The following TTC28 variants were observed in gnomAD, a reference collection of about 807,000 sequenced individuals.
TTC28 encodes the protein tetratricopeptide repeat protein 28.
In TTC28, 61 loss-of-function variants were observed where a neutral mutation model predicts 198.0. The ratio of observed to expected loss-of-function variants is 0.31; its 90% CI spans 0.25 to 0.38. The LOEUF (loss-of-function observed/expected upper bound fraction) is 0.38. Among genes scored for constraint, TTC28 ranks in the 10% least tolerant of loss-of-function variants. The pLI is 1.00. For synonymous variants in TTC28, 1,171 were observed against 1,297.8 expected (o/e 0.90, Z 2.10); for missense variants, 2,678 against 3,164.0 (o/e 0.85, Z 3.69).
chr22:28,052,886 G>C (rs990667389), intron 12 of TTC28, among the ~76,000 whole-genome samples: 1 of 152,140 alleles, frequency 6.6e-6, no homozygotes, highest in Non-Finnish European at 1.5e-5. Context: ...AGTCTTCTCC[G>C]ACACAACAGG....
intron 6 of TTC28, among the ~76,000 whole-genome samples, chr22:28,147,139 C>T (rs542762191): frequency 4.2e-4 from 64 of 152,310 alleles, no homozygotes; most frequent in South Asian, 3.7e-3. Context: ...TCATCTAATT[C>T]AACAAATGTA....
At chr22:27,996,029 G>A (rs1937545421) in intron 17 of TTC28, 106 bp downstream of exon 17, 2 of 1,446,666 alleles carry the variant, frequency 1.4e-6, no homozygotes, top group Non-Finnish European at 1.8e-6. Context: ...CCCAATCACG[G>A]TGTCCTCTCC....
chr22:28,260,002 A>G lies in TTC28; in HGVS notation c.933+36196T>C, dbSNP rs1369559998. ...CAAGTCAACTGTCTATGCATTTATC[A>G]GGAAAATGTCTTCCCACAATTCTTA... On this transcript the variant is annotated intron_variant, in intron 5 of 22. Coordinates refer to ENST00000397906, the MANE Select transcript of TTC28 (RefSeq NM_001145418.2). 7.9e-5 allele frequency among the ~76,000 whole-genome samples: 12 copies of G among 152,166 alleles called. No individual in the cohort carries two copies. The East Asian group carries it at 2.3e-3, about 29-fold the overall frequency.
intron 14 of TTC28, among the ~76,000 whole-genome samples, chr22:28,004,861 A>G (rs937567846): frequency 2.6e-5 from 4 of 152,216 alleles, no homozygotes; most frequent in Non-Finnish European, 5.9e-5. Context: ...TTCAGCTTAC[A>G]TATCATCAGT....
At chr22:27,989,155 T>C (rs1049533715) in intron 21 of TTC28, among the ~76,000 whole-genome samples, 1 of 152,158 alleles carries the variant, frequency 6.6e-6, no homozygotes, top group African/African-American at 2.4e-5. Flanking sequence ...CAGCAATATG[T>C]CAGGAGTCAC....
intron 5 of TTC28, among the ~76,000 whole-genome samples, chr22:28,222,532 C>T (rs1927967531): frequency 6.6e-6 from 1 of 152,188 alleles, no homozygotes; most frequent in Non-Finnish European, 1.5e-5. Flanking sequence ...GCATGTGAGA[C>T]TTTAATGAGT....
At chr22:28,633,280 CA>C (rs371317485) in intron 1 of TTC28, among the ~76,000 whole-genome samples, 116 of 110,608 alleles carry the variant, frequency 1.0e-3, no homozygotes, top group Middle Eastern at 5.0e-3. Context: ...GACTCTGTCT[CA>C]AAAAAAAAAA....
chr22:28,120,575 A>C (rs1267152300), intron 6 of TTC28, among the ~76,000 whole-genome samples: 2 of 152,122 alleles, frequency 1.3e-5, no homozygotes, highest in African/African-American at 4.8e-5. Context: ...CAACTGTGCA[A>C]CCCAGGGTGA....
At chr22:28,219,177 T>C (rs1206386944) in intron 5 of TTC28, among the ~76,000 whole-genome samples, 1 of 151,982 alleles carries the variant, frequency 6.6e-6, no homozygotes, top group East Asian at 1.9e-4. Flanking sequence ...CGTCTCTTGG[T>C]CTTGCTTTGC....
At chr22:28,293,553 A>T (rs544309341) in intron 5 of TTC28, among the ~76,000 whole-genome samples, 68 of 152,280 alleles carry the variant, frequency 4.5e-4, no homozygotes, top group African/African-American at 1.6e-3. Context: ...GCTCTAATGT[A>T]TACCAGAAAG....
intron 5 of TTC28, among the ~76,000 whole-genome samples, chr22:28,271,863 A>C (rs564303917): frequency 6.6e-6 from 1 of 152,242 alleles, no homozygotes; most frequent in East Asian, 1.9e-4. Context: ...TCGGCCTCCC[A>C]AAGTGCTGGG....
At chr22:28,028,993 T>TA (rs1240275808) in intron 13 of TTC28, 8 of 471,010 alleles carry the variant, frequency 1.7e-5, no homozygotes, top group South Asian at 3.1e-5. Flanking sequence ...CACTCTAGTT[T>TA]ATCACCACAG....
Position 28,096,221 on chromosome 22 carries a change from A to G in TTC28, c.3735T>C (p.Tyr1245=). 1.3e-6 allele frequency: 2 copies of G among 1,550,816 alleles called. No individual in the cohort carries two copies. The highest frequency in any genetic ancestry group is 2.4e-5 in the South Asian group (2 of 83,968). The change falls in exon 11 of 23, where the codon TAT becomes TAC. Residue 1245 remains tyrosine (Y), a synonymous_variant. Transcript: ENST00000397906. Reference sequence around the variant, plus strand: ...CAGGAGCCAGCAGCCAGCTATACAGATAGCCTGCAGCCAGGGAATAGTAAA... The same window carrying G: ...CAGGAGCCAGCAGCCAGCTATACAGGTAGCCTGCAGCCAGGGAATAGTAAA... ...LVLYYSLAAG[Y]LYSWLLAPGA... is the part of the protein sequence containing the mutation.
At chr22:28,291,098 G>C (rs1046787947) in intron 5 of TTC28, among the ~76,000 whole-genome samples, 2 of 151,958 alleles carry the variant, frequency 1.3e-5, no homozygotes, top group African/African-American at 4.8e-5. Flanking sequence ...TAAGTAATAT[G>C]TAAATTCAAT....
intron 2 of TTC28, among the ~76,000 whole-genome samples, chr22:28,466,650 T>G (rs1036624915): frequency 6.6e-6 from 1 of 152,176 alleles, no homozygotes; most frequent in African/African-American, 2.4e-5. Context: ...CAGATGGTTT[T>G]AGAGACTAGC....
intron 5 of TTC28, among the ~76,000 whole-genome samples, chr22:28,244,444 GA>G (rs1929929444): frequency 6.6e-6 from 1 of 152,132 alleles, no homozygotes; most frequent in African/African-American, 2.4e-5. Flanking sequence ...TTTCTAATCA[GA>G]AGGTAGGCCA....
At chr22:28,081,234 G>A (rs1430909682) in intron 12 of TTC28, among the ~76,000 whole-genome samples, 1 of 151,944 alleles carries the variant, frequency 6.6e-6, no homozygotes, top group Non-Finnish European at 1.5e-5. Context: ...AGGCTGGAGT[G>A]CAGTGGCACC....
intron 2 of TTC28, among the ~76,000 whole-genome samples, chr22:28,366,952 A>G (rs1249081584): frequency 1.3e-5 from 2 of 152,104 alleles, no homozygotes; most frequent in Non-Finnish European, 2.9e-5. Context: ...ATATTATTAG[A>G]GCTAACAAGA....
intron 2 of TTC28, among the ~76,000 whole-genome samples, chr22:28,380,269 G>A (rs2046474863): frequency 6.6e-6 from 1 of 152,070 alleles, no homozygotes; most frequent in Non-Finnish European, 1.5e-5. Context: ...TAACTCATAG[G>A]AGAGAGAAGC....
Sources: gnomAD v4.1 joint callset for allele counts (sites outside exome capture counted in the v4.1 genomes callset) on GRCh38, gnomAD v4.1.1 for gene constraint, MANE v1.5 for transcripts, NCBI Gene and HGNC (gene_info 2026-07-23, HGNC 2026-07-21) for gene names.